Variants in LYRM4 observed in about 807,000 individuals in gnomAD.
LYRM4 encodes LYR motif containing 4, also known as LYR motif-containing protein 4.
In LYRM4, 9 loss-of-function variants were observed where a neutral mutation model predicts 11.7. That is an observed-to-expected ratio of 0.77 (90% CI 0.46 to 1.34). The LOEUF is 1.34. Ranked by LOEUF, LYRM4 falls within the 40% of genes most tolerant of loss-of-function variation. The pLI is 0.00. For missense variants in LYRM4, 133 were observed against 112.5 expected (o/e 1.18, Z -0.82); for synonymous variants, 42 against 40.4 (o/e 1.04, Z -0.15).
intron 1 of LYRM4, among the ~76,000 whole-genome samples, chr6:5,247,081 C>T (rs1764229012): frequency 6.6e-6 from 1 of 152,150 alleles, no homozygotes; most frequent in South Asian, 2.1e-4. Flanking sequence ...ATTCTGCGGC[C>T]CACAGCGGGC....
the LYRM4 span, among the ~76,000 whole-genome samples, chr6:5,077,014 C>T: frequency 6.6e-6 from 1 of 152,172 alleles, no homozygotes; most frequent in African/African-American, 2.4e-5. Context: ...CAGGAGCTTC[C>T]TCGAAGGCTC....
chr6:5,180,726 T>C (rs1490076474), intron 2 of LYRM4, among the ~76,000 whole-genome samples: 2 of 152,158 alleles, frequency 1.3e-5, no homozygotes, highest in Non-Finnish European at 2.9e-5. Context: ...GCAGCGATGC[T>C]CTCGTGGATA....
the LYRM4 span, among the ~76,000 whole-genome samples, chr6:5,078,487 T>G: frequency 2.0e-5 from 3 of 152,202 alleles, no homozygotes; most frequent in African/African-American, 7.2e-5. Flanking sequence ...AAGCAGTGTT[T>G]AGTACACGGT....
the LYRM4 span, chr6:5,065,923 A>T: frequency 4.8e-6 from 1 of 209,718 alleles, no homozygotes; most frequent in Middle Eastern, 2.1e-3. Flanking sequence ...CTTTTTTCCT[A>T]TTTGCATCAA....
At chr6:5,069,629 C>T in the LYRM4 span, among the ~76,000 whole-genome samples, 1 of 151,974 alleles carries the variant, frequency 6.6e-6, no homozygotes, top group Non-Finnish European at 1.5e-5. Flanking sequence ...TATAGGCATG[C>T]GCCACCACGC....
At chr6:5,164,088 A>G (rs1179215816) in intron 2 of LYRM4, among the ~76,000 whole-genome samples, 1 of 152,248 alleles carries the variant, frequency 6.6e-6, no homozygotes, top group African/African-American at 2.4e-5. Context: ...TACAGGAAAT[A>G]CCAAGTATTA....
intron 2 of LYRM4, among the ~76,000 whole-genome samples, chr6:5,214,365 G>T (rs1293581992): frequency 1.3e-5 from 2 of 152,178 alleles, no homozygotes; most frequent in Non-Finnish European, 2.9e-5. Context: ...CATTGAGATG[G>T]GAGCAAGAAG....
chr6:5,045,725 G>C, the LYRM4 span, among the ~76,000 whole-genome samples: 1 of 152,150 alleles, frequency 6.6e-6, no homozygotes, highest in Non-Finnish European at 1.5e-5. Flanking sequence ...TTTGCCTCTA[G>C]GTAGAAGCTC....
the LYRM4 span, among the ~76,000 whole-genome samples, chr6:5,062,081 C>CTTTT: frequency 9.0e-4 from 106 of 117,238 alleles, no homozygotes; most frequent in African/African-American, 1.1e-3. Flanking sequence ...CTTCCTTCTT[C>CTTTT]TTTTTTTTTT....
At chr6:5,037,572 C>T in the LYRM4 span, among the ~76,000 whole-genome samples, 48 of 80,230 alleles carry the variant, frequency 6.0e-4, no homozygotes, top group African/African-American at 1.3e-3. Context: ...CTCCTCACTT[C>T]CCAGTAGGGG....
intron 2 of LYRM4, among the ~76,000 whole-genome samples, chr6:5,114,474 C>T (rs930321781): frequency 5.3e-5 from 8 of 152,112 alleles, no homozygotes; most frequent in Non-Finnish European, 7.3e-5. Flanking sequence ...ACTAATGAAA[C>T]GAAGGCCGGT....
the LYRM4 span, among the ~76,000 whole-genome samples, chr6:5,095,107 T>C: frequency 3.9e-5 from 6 of 152,184 alleles, no homozygotes; most frequent in Non-Finnish European, 8.8e-5. Flanking sequence ...TGTACAACTA[T>C]TATATATCTA....
At chr6:5,221,034 C>A (rs377323345) in intron 1 of LYRM4, among the ~76,000 whole-genome samples, 52 of 152,136 alleles carry the variant, frequency 3.4e-4, no homozygotes, top group Middle Eastern at 3.4e-3. Context: ...ACTATGCTGC[C>A]CAGGCTGGTC....
At chr6:5,159,874 T>C (rs982930511) in intron 2 of LYRM4, among the ~76,000 whole-genome samples, 6 of 152,226 alleles carry the variant, frequency 3.9e-5, no homozygotes, top group Admixed American at 6.5e-5. Context: ...GCTTGGAATC[T>C]GCTTTATTTT....
downstream of LYRM4, among the ~76,000 whole-genome samples, chr6:5,099,351 C>T (rs947656872): frequency 8.6e-5 from 13 of 151,640 alleles, no homozygotes; most frequent in South Asian, 1.1e-3. The surrounding 1 kb of genome is among the most constrained non-coding windows in gnomAD (Gnocchi z 4.3). Context: ...CACTATAGCA[C>T]GTGCCACCAC....
At chr6:5,034,239 A>G in the LYRM4 span, 1 of 152,216 alleles carries the variant, frequency 6.6e-6, no homozygotes, top group Non-Finnish European at 1.5e-5. Context: ...CATCGAGGCC[A>G]TGGAAGAGGA....
At chr6:5,064,518 T>C in the LYRM4 span, among the ~76,000 whole-genome samples, 8 of 152,356 alleles carry the variant, frequency 5.3e-5, no homozygotes, top group African/African-American at 1.9e-4. Flanking sequence ...TGATGAGACA[T>C]TGATACATTC....
At chr6:5,151,068 CTT>C (rs1758058282) in intron 2 of LYRM4, among the ~76,000 whole-genome samples, 1 of 147,636 alleles carries the variant, frequency 6.8e-6, no homozygotes, top group Non-Finnish European at 1.5e-5. Context: ...TCCAAAATGC[CTT>C]TTGTTTGTTT....
At chr6:5,252,802 T>C (rs992924038) in intron 1 of LYRM4, among the ~76,000 whole-genome samples, 1 of 152,136 alleles carries the variant, frequency 6.6e-6, no homozygotes, top group Non-Finnish European at 1.5e-5. Context: ...TCAAAAGCTG[T>C]TTGCAACCAT....
Sources: allele counts gnomAD v4.1 joint callset (sites outside exome capture counted in the v4.1 genomes callset), GRCh38; gene constraint gnomAD v4.1.1; non-coding constraint Gnocchi (gnomAD v3.1); transcripts MANE v1.5; gene names NCBI Gene and HGNC (gene_info 2026-07-23, HGNC 2026-07-21).